Variants in DNAJB1 observed in about 807,000 individuals in gnomAD.
DNAJB1 encodes the protein DnaJ heat shock protein family (Hsp40) member B1.
A neutral mutation model predicts 24.0 loss-of-function variants in DNAJB1; 14 were observed. That is an observed-to-expected ratio of 0.58 (90% confidence interval 0.39 to 0.91). DNAJB1 has a LOEUF of 0.91. DNAJB1 is among the 40% of genes least tolerant of loss of function. The probability of loss-of-function intolerance (pLI) is 0.00; values close to 1 mark genes in which losing one functional copy is unlikely to be tolerated. For synonymous variants in DNAJB1, 262 were observed against 174.4 expected (o/e 1.50, Z -3.96); for missense variants, 517 against 458.1 (o/e 1.13, Z -1.17).
intron 2 of DNAJB1, among the ~76,000 whole-genome samples, chr19:14,523,961 C>T (rs2072390385): frequency 1.3e-5 from 2 of 152,130 alleles, no homozygotes; most frequent in African/African-American, 4.8e-5. Context: ...CAAGCCTGTT[C>T]CAAGTACTCG....
At chr19:14,529,815 A>G, upstream of DNAJB1, 1 of 1,550,190 alleles carries the variant, frequency 6.5e-7, no homozygotes, top group Non-Finnish European at 8.9e-7. Flanking sequence ...CCCCGAAGGA[A>G]GAGCCAGACG....
upstream of DNAJB1, chr19:14,532,111 G>C (rs2072693884): frequency 6.6e-6 from 1 of 151,970 alleles, no homozygotes; most frequent in Non-Finnish European, 1.5e-5. Context: ...AGTTTTGCTA[G>C]TTAACAGTCA....
At chr19:14,527,803 G>A (rs1364292584) in exon 2 of DNAJB1, 1 of 152,252 alleles carries the variant, frequency 6.6e-6, no homozygotes, top group Non-Finnish European at 1.5e-5. Flanking sequence ...AAAGCTCAGG[G>A]GCAGGATCTG....
chr19:14,544,526 C>T (rs2073235946), intron 1 of DNAJB1, among the ~76,000 whole-genome samples: 1 of 151,888 alleles, frequency 6.6e-6, no homozygotes, highest in Non-Finnish European at 1.5e-5. Context: ...GCAGGTCTGG[C>T]TTTGAGTGCG....
upstream of DNAJB1, chr19:14,529,592 G>T (rs767150176): frequency 6.4e-7 from 1 of 1,568,376 alleles, no homozygotes; most frequent in Non-Finnish European, 8.8e-7. Flanking sequence ...ACGCAGAGCC[G>T]CGTTTAGTCT....
intron 1 of DNAJB1, among the ~76,000 whole-genome samples, chr19:14,535,289 C>T (rs1214918354): frequency 6.6e-6 from 1 of 151,182 alleles, no homozygotes; most frequent in African/African-American, 2.4e-5. Flanking sequence ...GGGTGAATCA[C>T]GAGGCCAGGA....
chr19:14,531,805 A>AT (rs1568391681), upstream of DNAJB1: 1 of 152,090 alleles, frequency 6.6e-6, no homozygotes, highest in Non-Finnish European at 1.5e-5. Flanking sequence ...AATCTCTGTC[A>AT]TTTAAGTTTT....
In DNAJB1 at chr19:14,516,046, T is replaced by C. The variant is rs1326696282; in HGVS notation, c.917A>G (p.Lys306Arg). Residue 306 changes from lysine (K) to arginine (R), a missense_variant, in exon 3 of 3, where the codon AAA (lysine) becomes AGA (arginine). Lys to Arg is a conservative substitution (Grantham distance 26). Transcript: ENST00000254322. ...GAGGTCCCCACGTTTCTCGGGTGTT[T>C]TGGGGAGGGGGAGGCCTTCTCCAGG... ...KVPGEGLPLP[K>R]TPEKRGDLII... The C allele has an allele frequency of 1.2e-6, 2 of 1,613,020 alleles. No individual in the cohort carries two copies. Among genetic ancestry groups the C allele is most frequent in the South Asian group, 1.1e-5 (1 of 91,044 alleles).
In DNAJB1 at chr19:14,514,962, G is replaced by C. The variant is rs1474130332; in HGVS notation, c.*978C>G. ...CAGAATTCCATTATGGCCCTATACA[G>C]AGAGCACTGGCTGCCGGGGACAGGT... On this transcript the variant is annotated 3_prime_UTR_variant, in exon 3 of 3. Coordinates refer to ENST00000254322, the MANE Select transcript of DNAJB1 (RefSeq NM_006145.3). 6.6e-6 allele frequency: 1 copy of C among 152,298 alleles called. No homozygotes were observed. The highest frequency in any genetic ancestry group is 1.5e-5 in the Non-Finnish European group (1 of 68,048). The allele number at this position is 152,298 out of a possible 1,614,324, so 9.4% of individuals were successfully genotyped here. A position where few individuals can be genotyped will look rare whatever the true frequency, so the allele number is the denominator to read the frequency against.
chr19:14,545,238 C>G (rs1257456466), intron 1 of DNAJB1: 1 of 456,294 alleles, frequency 2.2e-6, no homozygotes, highest in Non-Finnish European at 4.4e-6. Context: ...GCTGCTCCCC[C>G]TAAAATTTAC....
At chr19:14,558,213 G>T (rs887443196) in intron 1 of DNAJB1, among the ~76,000 whole-genome samples, 2 of 152,196 alleles carry the variant, frequency 1.3e-5, no homozygotes, top group Non-Finnish European at 2.9e-5. Flanking sequence ...GGGCAGGTCT[G>T]CTTCTCTGGG....
chr19:14,516,829 G>A lies in DNAJB1; in HGVS notation c.429C>T (p.Asn143=). 6.2e-7 allele frequency: 1 copy of A among 1,613,906 alleles called. No homozygotes were observed. The highest frequency in any genetic ancestry group is 2.2e-5 in the East Asian group (1 of 44,884). The change falls in exon 2 of 3, where the codon AAC becomes AAT. Residue 143 remains asparagine, a synonymous_variant. Transcript: ENST00000254322. ...CAGAGCGGGAGCGGCCAAAGTTCAC[G>A]TTGGTGAAGCCACCCATGCCCATAG... ...GFPMGMGGFT[N]VNFGRSRSAQ...
chr19:14,516,195 A>G (rs189955221), intron 2 of DNAJB1, 25 bp from the exon 3 acceptor site: 1 of 1,612,198 alleles, frequency 6.2e-7, no homozygotes, highest in East Asian at 2.2e-5. Context: ...GGACAGCATT[A>G]GATGGAAGCT....
At chr19:14,540,635 A>C (rs1052494231) in intron 1 of DNAJB1, among the ~76,000 whole-genome samples, 3 of 151,386 alleles carry the variant, frequency 2.0e-5, no homozygotes, top group Non-Finnish European at 4.4e-5. Flanking sequence ...CAAGTGATCC[A>C]CCTGCCTGGG....
Position 14,515,620 on chromosome 19 carries a change from A to G in DNAJB1, c.*320T>C. The G allele has an allele frequency of 2.9e-6, 1 of 346,758 alleles. No individual in the cohort carries two copies. Among genetic ancestry groups the G allele is most frequent in the Non-Finnish European group, 5.3e-6 (1 of 188,488 alleles). 21.5% of individuals were successfully genotyped at this position (346,758 alleles called of 1,614,324 possible). On this transcript the variant is annotated 3_prime_UTR_variant, in exon 3 of 3. Transcript: ENST00000254322. Reference sequence around the variant, plus strand: ...AAAAAGACACAGAGGGATCAAGTCCATCTGCTGGTCTGCCTCTCACCCCTG... The same window carrying G: ...AAAAAGACACAGAGGGATCAAGTCCGTCTGCTGGTCTGCCTCTCACCCCTG...
chr19:14,553,705 G>C (rs1246047920), upstream of DNAJB1, among the ~76,000 whole-genome samples: 3 of 151,954 alleles, frequency 2.0e-5, no homozygotes, highest in Non-Finnish European at 4.4e-5. Context: ...ATTTGTGATG[G>C]GGGCGAGGTG....
upstream of DNAJB1, chr19:14,518,400 C>T (rs1362515436): frequency 2.0e-6 from 3 of 1,505,494 alleles, no homozygotes; most frequent in African/African-American, 1.4e-5. Context: ...CCGGCTCCGC[C>T]GCCGACCAGT....
intron 1 of DNAJB1, among the ~76,000 whole-genome samples, chr19:14,549,425 C>A (rs1252800174): frequency 6.6e-6 from 1 of 151,890 alleles, no homozygotes; most frequent in Non-Finnish European, 1.5e-5. Context: ...ATTGGCCAGG[C>A]TAGTCTTGAA....
intron 2 of DNAJB1, among the ~76,000 whole-genome samples, chr19:14,524,907 G>C (rs1163376901): frequency 1.4e-5 from 2 of 147,180 alleles, no homozygotes; most frequent in African/African-American, 5.0e-5. Flanking sequence ...ACTCCCAGTG[G>C]GATACCCATG....
Sources: gnomAD v4.1 joint callset for allele counts (sites outside exome capture counted in the v4.1 genomes callset) on GRCh38, gnomAD v4.1.1 for gene constraint, MANE v1.5 for transcripts, NCBI Gene and HGNC (gene_info 2026-07-23, HGNC 2026-07-21) for gene names.